MKLN1: variants seen among roughly 807,000 people sequenced by gnomAD.
MKLN1 encodes muskelin 1.
In MKLN1, 18 loss-of-function variants were observed where a neutral mutation model predicts 99.0. That is an observed-to-expected ratio of 0.18 (90% CI 0.13 to 0.27). The LOEUF is 0.27. Ranked by LOEUF, MKLN1 falls within the 10% of genes least tolerant of loss-of-function variation. MKLN1 has a pLI of 1.00. For synonymous variants in MKLN1, 288 were observed against 293.2 expected, an observed-to-expected ratio of 0.98 and a Z score of 0.18; for missense variants, 621 against 875.9, an observed-to-expected ratio of 0.71 and a Z score of 3.67.
intron 3 of MKLN1, among the ~76,000 whole-genome samples, chr7:131,253,499 T>A (rs1017684068): frequency 1.3e-5 from 2 of 152,138 alleles, no homozygotes; most frequent in African/African-American, 2.4e-5. Flanking sequence ...TTGATAAAAC[T>A]GGGGCTCCAA....
chr7:131,233,049 C>T (rs10280181), intron 3 of MKLN1, among the ~76,000 whole-genome samples: 14,855 of 151,788 alleles, frequency 0.098, 825 homozygotes, highest in African/African-American at 0.14. Context: ...TAATTCAAAA[C>T]GAAGTTTAGA....
intron 12 of MKLN1, among the ~76,000 whole-genome samples, chr7:131,457,960 C>T (rs1424528922): frequency 6.6e-6 from 1 of 152,024 alleles, no homozygotes; most frequent in Non-Finnish European, 1.5e-5. Flanking sequence ...AATGGAGATA[C>T]ATTTCTTAAA....
intron 3 of MKLN1, among the ~76,000 whole-genome samples, chr7:131,233,131 C>T (rs1418257781): frequency 2.6e-5 from 4 of 151,900 alleles, no homozygotes; most frequent in East Asian, 1.9e-4. Flanking sequence ...TTTGAGCCCA[C>T]GAGTTCGAGA....
intron 12 of MKLN1, among the ~76,000 whole-genome samples, chr7:131,460,529 G>A (rs1441807385): frequency 6.6e-6 from 1 of 152,228 alleles, no homozygotes. Context: ...TAAAGATTGG[G>A]AGTTACTTTA....
intron 2 of MKLN1, among the ~76,000 whole-genome samples, chr7:131,191,131 A>G (rs1183021394): frequency 6.6e-6 from 1 of 152,236 alleles, no homozygotes; most frequent in Non-Finnish European, 1.5e-5. Flanking sequence ...GCCTAAGGGC[A>G]GCTGGAGGTG....
chr7:131,329,782 G>A (rs140069296), intron 1 of MKLN1, among the ~76,000 whole-genome samples: 25 of 152,288 alleles, frequency 1.6e-4, no homozygotes, highest in Non-Finnish European at 3.2e-4. Flanking sequence ...CTGGCCCCTG[G>A]TTTGCAGTGG....
At chr7:131,423,718 A>G (rs943513523) in intron 8 of MKLN1, among the ~76,000 whole-genome samples, 6 of 152,274 alleles carry the variant, frequency 3.9e-5, no homozygotes, top group South Asian at 2.1e-4. Context: ...GTGCCTAAAC[A>G]TGGGTTTTGG....
chr7:131,453,111 C>T (rs987425412), intron 12 of MKLN1, among the ~76,000 whole-genome samples: 4 of 152,122 alleles, frequency 2.6e-5, no homozygotes, highest in African/African-American at 9.7e-5. Flanking sequence ...CCCCCTTCTA[C>T]CCTCCCAGGG....
intron 3 of MKLN1, among the ~76,000 whole-genome samples, chr7:131,262,306 G>A (rs1053490933): frequency 1.5e-4 from 23 of 151,850 alleles, no homozygotes; most frequent in African/African-American, 4.8e-4. Context: ...TCGTGGTGGC[G>A]TGCGACTGTA....
At chr7:131,470,022 T>C (rs1056312447) in intron 15 of MKLN1, among the ~76,000 whole-genome samples, 3 of 152,080 alleles carry the variant, frequency 2.0e-5, no homozygotes, top group Non-Finnish European at 4.4e-5. Flanking sequence ...ACTGTAGGCA[T>C]GTGCCACCGC....
At chr7:131,157,706 C>T (rs533690794) in intron 2 of MKLN1, among the ~76,000 whole-genome samples, 3 of 152,102 alleles carry the variant, frequency 2.0e-5, no homozygotes, top group South Asian at 2.1e-4. Context: ...ATACATTACC[C>T]GAGAAGCTGG....
intron 3 of MKLN1, among the ~76,000 whole-genome samples, chr7:131,319,280 G>C (rs1798726392): frequency 6.6e-6 from 1 of 152,192 alleles, no homozygotes; most frequent in South Asian, 2.1e-4. Context: ...GGGGTGCAAG[G>C]CTGGTTCAAC....
chr7:131,369,598 A>C (rs1554560287), intron 1 of MKLN1, among the ~76,000 whole-genome samples: 1 of 152,200 alleles, frequency 6.6e-6, no homozygotes, highest in Non-Finnish European at 1.5e-5. Context: ...TACTCTAGAT[A>C]TGAATTCTTT....
chr7:131,419,248 T>TA (rs1563338827), intron 8 of MKLN1, among the ~76,000 whole-genome samples: 1 of 118,376 alleles, frequency 8.4e-6, no homozygotes, highest in African/African-American at 3.0e-5. Flanking sequence ...ATATATATAT[T>TA]TTTGTTTTTT....
intron 1 of MKLN1, among the ~76,000 whole-genome samples, chr7:131,112,384 G>A (rs1194479825): frequency 6.6e-6 from 1 of 152,142 alleles, no homozygotes; most frequent in African/African-American, 2.4e-5. Context: ...CTATCCATAG[G>A]AACCTTGAGG....
intron 9 of MKLN1, among the ~76,000 whole-genome samples, chr7:131,432,126 C>T (rs1419960699): frequency 5.3e-5 from 8 of 152,130 alleles, no homozygotes; most frequent in Non-Finnish European, 1.2e-4. Flanking sequence ...AGGCGTGAAT[C>T]ATATTCTTTA....
At chr7:131,213,528 T>C (rs1343349865) in intron 3 of MKLN1, among the ~76,000 whole-genome samples, 2 of 152,264 alleles carry the variant, frequency 1.3e-5, no homozygotes, top group Non-Finnish European at 2.9e-5. Flanking sequence ...GATAATTCTT[T>C]GCTGTGGGAA....
At chr7:131,290,524 A>C (rs1798201717) in intron 3 of MKLN1, among the ~76,000 whole-genome samples, 1 of 152,220 alleles carries the variant, frequency 6.6e-6, no homozygotes, top group East Asian at 1.9e-4. Context: ...ATGGGCACTC[A>C]TGCTCTTTGT....
intron 3 of MKLN1, among the ~76,000 whole-genome samples, chr7:131,295,111 GA>G (rs1798271527): frequency 2.0e-5 from 3 of 152,230 alleles, no homozygotes; most frequent in South Asian, 4.2e-4. Context: ...ACTGCAAAGA[GA>G]CCTATTTTGC....
Sources: allele counts gnomAD v4.1 joint callset (sites outside exome capture counted in the v4.1 genomes callset), GRCh38; gene constraint gnomAD v4.1.1; transcripts MANE v1.5; gene names NCBI Gene and HGNC (gene_info 2026-07-23, HGNC 2026-07-21).